GLI2: variants seen among roughly 807,000 people sequenced by gnomAD.
GLI2 encodes transcription activator GLI2.
Under a neutral mutation model 78.9 loss-of-function variants are expected in GLI2, and 22 were observed. That is an observed-to-expected ratio of 0.28 (90% CI 0.20 to 0.40). GLI2 has a LOEUF of 0.40. Ranked by LOEUF, GLI2 falls within the 10% of genes least tolerant of loss-of-function variation. The pLI, the probability that GLI2 is intolerant of heterozygous loss-of-function variation, is 1.00. For missense variants in GLI2, 2,097 were observed against 2,213.2 expected (o/e 0.95, Z 1.05); for synonymous variants, 974 against 963.7 (o/e 1.01, Z -0.20).
chr2:120,788,828 A>G (rs141710801), intron 1 of GLI2, among the ~76,000 whole-genome samples: 1,625 of 152,210 alleles, frequency 0.011, 15 homozygotes, highest in South Asian at 0.02. Flanking sequence ...CCACCCCCTC[A>G]ACTTGCAGGC....
chr2:120,965,005 T>TTTGCTTGGA (rs1681770682), intron 5 of GLI2, among the ~76,000 whole-genome samples: 1 of 152,224 alleles, frequency 6.6e-6, no homozygotes, highest in Non-Finnish European at 1.5e-5. Context: ...TGGAGGATGG[T>TTTGCTTGGA]GGTAGCTGTT....
At chr2:120,920,870 A>G (rs1386089834) in intron 2 of GLI2, among the ~76,000 whole-genome samples, 1 of 148,288 alleles carries the variant, frequency 6.7e-6, no homozygotes, top group Non-Finnish European at 1.5e-5. Flanking sequence ...CCGGAAGGAC[A>G]TGATTAATTT....
intron 2 of GLI2, among the ~76,000 whole-genome samples, chr2:120,837,825 C>T (rs928275492): frequency 2.6e-5 from 4 of 152,104 alleles, no homozygotes; most frequent in Admixed American, 6.5e-5. Context: ...GCTCTGTTTC[C>T]GGGCTCCCTA....
chr2:120,985,185 C>G (rs1452398479), intron 12 of GLI2, among the ~76,000 whole-genome samples: 1 of 152,228 alleles, frequency 6.6e-6, no homozygotes, highest in Non-Finnish European at 1.5e-5. Flanking sequence ...TGTACCTCCC[C>G]TAAGGATAGA....
chr2:120,856,952 C>T (rs1687673116), intron 2 of GLI2, among the ~76,000 whole-genome samples: 1 of 152,078 alleles, frequency 6.6e-6, no homozygotes, highest in South Asian at 2.1e-4. Context: ...AAGGTGGGAG[C>T]TGCCTGGGCA....
chr2:120,770,126 T>A (rs1360135479), intron 1 of GLI2, among the ~76,000 whole-genome samples: 1 of 152,188 alleles, frequency 6.6e-6, no homozygotes, highest in Non-Finnish European at 1.5e-5. Context: ...AGAATATAGC[T>A]TGGCGGCTCC....
intron 2 of GLI2, among the ~76,000 whole-genome samples, chr2:120,844,654 T>C (rs996420212): frequency 1.3e-5 from 2 of 152,214 alleles, no homozygotes; most frequent in Non-Finnish European, 2.9e-5. Context: ...AAATTAACGT[T>C]TTCTTCCCTG....
chr2:120,941,770 G>T (rs1456354454), intron 3 of GLI2, among the ~76,000 whole-genome samples: 1 of 152,250 alleles, frequency 6.6e-6, no homozygotes, highest in African/African-American at 2.4e-5. Context: ...CTGGTGGGTG[G>T]TAGGCATCTT....
chr2:120,878,880 A>T (rs1213250177), intron 2 of GLI2, among the ~76,000 whole-genome samples: 2 of 151,490 alleles, frequency 1.3e-5, no homozygotes, highest in African/African-American at 4.9e-5. Flanking sequence ...GTGAACCGAG[A>T]TCACACCACT....
intron 2 of GLI2, among the ~76,000 whole-genome samples, chr2:120,875,916 C>T (rs1009484458): frequency 6.6e-6 from 1 of 152,148 alleles, no homozygotes; most frequent in African/African-American, 2.4e-5. Context: ...ACAAGTACAA[C>T]TGGGGATTTC....
chr2:120,778,255 C>A (rs1426344543), intron 1 of GLI2, among the ~76,000 whole-genome samples: 1 of 152,130 alleles, frequency 6.6e-6, no homozygotes, highest in Non-Finnish European at 1.5e-5. Context: ...TTGTGAGATG[C>A]CCAATTATTT....
At chr2:120,792,036 G>C (rs142048594) in intron 1 of GLI2, among the ~76,000 whole-genome samples, 1 of 152,220 alleles carries the variant, frequency 6.6e-6, no homozygotes, top group South Asian at 2.1e-4. Context: ...TGTGGTGGCT[G>C]TGACTGCTGA....
chr2:120,990,219 C>G lies in GLI2; in HGVS notation c.4254C>G (p.Asp1418Glu), dbSNP rs140565050. 5.2e-5 allele frequency: 84 copies of G among 1,613,442 alleles called. No homozygotes were observed. The highest frequency in any genetic ancestry group is 1.2e-4 in the Admixed American group (7 of 60,006). Residue 1418 changes from aspartate (D) to glutamate (E), a missense_variant, in exon 14 of 14, where the codon GAC (aspartate) becomes GAG (glutamate). Around this residue, in one of 5 missense-constraint regions of GLI2, gnomAD observed 1,290 missense variants for 1,261.7 expected, o/e 1.02. Coordinates refer to ENST00000361492, the MANE Select transcript of GLI2 (RefSeq NM_001374353.1). ...TGCCTCCCCAGCCGCCTCCGCAGGA[C>G]GCAGGTGGGGCCCCGGACCACAGCA... ...GSVPPQPPPQDAGGAPDHSML... is the reference protein window; with the variant it reads ...GSVPPQPPPQEAGGAPDHSML...
chr2:120,783,348 A>G (rs977562991), intron 1 of GLI2, among the ~76,000 whole-genome samples: 1 of 152,154 alleles, frequency 6.6e-6, no homozygotes, highest in African/African-American at 2.4e-5. Flanking sequence ...CAAGGAACCC[A>G]GAGCCAAGCC....
chr2:120,951,341 C>A lies in GLI2; in HGVS notation c.353C>A (p.Pro118His). 1.3e-6 allele frequency: 2 copies of A among 1,585,672 alleles called. No individual in the cohort carries two copies. The highest frequency in any genetic ancestry group is 1.7e-6 in the Non-Finnish European group (2 of 1,154,208). Residue 118 changes from proline (P) to histidine (H), a missense_variant, in exon 4 of 14, where the codon CCC (proline) becomes CAC (histidine). By Grantham distance (77) the Pro-to-His change is moderately conservative. Around this residue, in one of 5 missense-constraint regions of GLI2, gnomAD observed 578 missense variants for 612.0 expected, o/e 0.94. Coordinates refer to ENST00000361492, the MANE Select transcript of GLI2 (RefSeq NM_001374353.1). Reference sequence around the variant, plus strand: ...CCTGGGGAGTCCCCCTTCAACGCCCCCCACCCGTACGTGAACCCCCACATG... The same window carrying A: ...CCTGGGGAGTCCCCCTTCAACGCCCACCACCCGTACGTGAACCCCCACATG... The part of the protein sequence containing the change: ...AGPGESPFNA[P>H]HPYVNPHMEH...
chr2:120,824,771 A>T (rs998552394), intron 2 of GLI2, among the ~76,000 whole-genome samples: 4 of 152,168 alleles, frequency 2.6e-5, no homozygotes, highest in Admixed American at 6.5e-5. Context: ...GGACATGAGG[A>T]CCTGAACTCC....
chr2:120,740,436 TTAA>T (rs1260258175), intron 1 of GLI2, among the ~76,000 whole-genome samples: 1 of 114,602 alleles, frequency 8.7e-6, no homozygotes, highest in African/African-American at 3.8e-5. Flanking sequence ...TGTGTGTTGT[TTAA>T]AAAAAAAAAA....
rs1442199502 is a variant in GLI2, at chr2:120,989,066, C to G, written c.3101C>G (p.Ala1034Gly). The change falls in exon 14 of 14, where the codon GCC becomes GGC. Residue 1034 changes from alanine (A) to glycine (G), a missense_variant. Physicochemically the swap from Ala to Gly is moderately conservative, Grantham distance 60. Around this residue, in one of 5 missense-constraint regions of GLI2, gnomAD observed 1,290 missense variants for 1,261.7 expected, o/e 1.02. Coordinates refer to ENST00000361492, the MANE Select transcript of GLI2 (RefSeq NM_001374353.1). ...GGAGTGGACGGCGCGGGGCCCGAGG[C>G]CGACCTGGGGCTGCCGGAGGACGAC... ...AAGVDGAGPE[A>G]DLGLPEDDLV... 1 of 1,610,566 alleles carries G rather than the reference C, an allele frequency of 6.2e-7. No homozygotes were observed. Among genetic ancestry groups the G allele is most frequent in the East Asian group, 2.2e-5 (1 of 44,872 alleles).
intron 2 of GLI2, among the ~76,000 whole-genome samples, chr2:120,905,526 A>C (rs997958806): frequency 2.0e-5 from 3 of 152,204 alleles, no homozygotes; most frequent in Non-Finnish European, 4.4e-5. Context: ...TGGCAATGTC[A>C]GGATTAGGAA....
Sources: gnomAD v4.1 joint callset for allele counts (sites outside exome capture counted in the v4.1 genomes callset) on GRCh38, gnomAD v4.1.1 for gene constraint, gnomAD v4.1.1 regional missense constraint, MANE v1.5 for transcripts, NCBI Gene and HGNC (gene_info 2026-07-23, HGNC 2026-07-21) for gene names.